Variants in NLRP11 observed in about 807,000 individuals in gnomAD.
NLRP11 encodes the protein NLR family pyrin domain containing 11, also known as NACHT, LRR and PYD domains-containing protein 11.
In NLRP11, 53 loss-of-function variants were observed where a neutral mutation model predicts 79.3. The observed-to-expected ratio is 0.67, with a 90% CI of 0.54 to 0.84. The LOEUF (loss-of-function observed/expected upper bound fraction) is 0.84. Among genes scored for constraint, NLRP11 ranks in the 40% least tolerant of loss-of-function variants. NLRP11 has a pLI of 0.00. For missense variants in NLRP11, 1,264 were observed against 1,255.0 expected (o/e 1.01, Z -0.11); for synonymous variants, 518 against 462.6 (o/e 1.12, Z -1.54).
Position 55,809,608 on chromosome 19 carries a change from A to G in NLRP11, c.1002T>C (p.Gly334=), listed in dbSNP as rs1376992971. 4 of 1,614,154 alleles carry G rather than the reference A, an allele frequency of 2.5e-6. No homozygotes were observed. In the South Asian group the frequency reaches 4.4e-5, roughly 18 times the overall value. The change falls in exon 3 of 10, where the codon GGT becomes GGC. Residue 334 remains glycine (G), a synonymous_variant. Transcript: ENST00000589093. The surrounding 1 kb of genome is among the most constrained non-coding windows in gnomAD (Gnocchi z 4.5). The stretch of plus-strand genomic sequence containing the variant: ...AGCATAAGATGGCGACTCGGCACAG[A>G]CCCACGAGTATTTCATCCTCATGTA...
In NLRP11 at chr19:55,796,078, A is replaced by G; in HGVS notation, c.2342+2T>C. The stretch of plus-strand genomic sequence containing the variant: ...GTGGTGAGCTCGTCTAAGCCAACTT[A>G]CACCAGTGATATAAGAGTGCAGTTG... On this transcript the variant is annotated splice_donor_variant, in intron 6 of 9. Coordinates refer to ENST00000589093, the Ensembl canonical transcript of NLRP11. LOFTEE classifies it high-confidence loss of function. The G allele has an allele frequency of 6.2e-7, 1 of 1,608,676 alleles. No individual in the cohort carries two copies. Among genetic ancestry groups the G allele is most frequent in the Non-Finnish European group, 8.5e-7 (1 of 1,175,556 alleles).
intron 1 of NLRP11, among the ~76,000 whole-genome samples, chr19:55,830,299 T>C (rs995690788): frequency 2.0e-5 from 3 of 152,178 alleles, no homozygotes; most frequent in African/African-American, 7.2e-5. Flanking sequence ...TTGAGCCCCA[T>C]CCTTGTAACT....
At chr19:55,807,510 G>C (rs976616468) in intron 4 of NLRP11, among the ~76,000 whole-genome samples, 1 of 152,022 alleles carries the variant, frequency 6.6e-6, no homozygotes, top group African/African-American at 2.4e-5. Context: ...ATGAAGACAA[G>C]GTAAACAGGC....
At chr19:55,836,064 C>T (rs1233064903), upstream of NLRP11, among the ~76,000 whole-genome samples, 1 of 152,206 alleles carries the variant, frequency 6.6e-6, no homozygotes, top group Non-Finnish European at 1.5e-5. Flanking sequence ...GTGGAGGTTA[C>T]AGTGGGCCGA....
chr19:55,829,449 G>A (rs1161789929), intron 1 of NLRP11, among the ~76,000 whole-genome samples: 1 of 151,950 alleles, frequency 6.6e-6, no homozygotes, highest in African/African-American at 2.4e-5. Context: ...CAGATCACGA[G>A]GTCAGGAGAT....
chr19:55,808,146 A>C (rs1980189841), intron 3 of NLRP11, 132 bp from the exon 4 acceptor site: 1 of 581,952 alleles, frequency 1.7e-6, no homozygotes, highest in Non-Finnish European at 3.0e-6. Context: ...AGCAAGAAAT[A>C]AAGTAGGGTC....
intron 9 of NLRP11, among the ~76,000 whole-genome samples, chr19:55,788,363 C>CTTTTTTTTTTTTT (rs74179639): frequency 7.1e-6 from 1 of 140,722 alleles, no homozygotes. Context: ...AGAGGAAAGA[C>CTTTTTTTTTTTTT]TTTTTTTTTT....
At chr19:55,816,159 A>G (rs1028439981) in intron 2 of NLRP11, among the ~76,000 whole-genome samples, 8 of 152,182 alleles carry the variant, frequency 5.3e-5, no homozygotes, top group Non-Finnish European at 1.0e-4. Flanking sequence ...TCTACTGTTC[A>G]CCTATAAGAC....
At chr19:55,815,480 G>T (rs1008722274) in intron 2 of NLRP11, among the ~76,000 whole-genome samples, 2 of 137,176 alleles carry the variant, frequency 1.5e-5, no homozygotes, top group Admixed American at 1.6e-4. Flanking sequence ...AGTGAGCCGA[G>T]ATTGTTCCAT....
intron 1 of NLRP11, 123 bp downstream of exon 1, chr19:55,831,840 A>G (rs1982817984): frequency 6.6e-6 from 1 of 152,128 alleles, no homozygotes; most frequent in African/African-American, 2.4e-5. Context: ...AACTTTAGTC[A>G]TTTTATTCCC....
chr19:55,813,063 C>A (rs537387976), intron 2 of NLRP11, among the ~76,000 whole-genome samples: 1 of 152,296 alleles, frequency 6.6e-6, no homozygotes, highest in South Asian at 2.1e-4. Context: ...CACAGCGACT[C>A]ACACCTGTAA....
At chr19:55,829,018 C>A (rs16986672) in intron 1 of NLRP11, among the ~76,000 whole-genome samples, 1 of 152,048 alleles carries the variant, frequency 6.6e-6, no homozygotes, top group Non-Finnish European at 1.5e-5. Flanking sequence ...GGCTAACACA[C>A]GTATATACAA....
chr19:55,790,666 T>C lies in NLRP11; in HGVS notation c.2514-1267A>G, dbSNP rs892506812. ...AAGCAGATTCCAGAAGATCCTATTT[T>C]TCATTTAGTAGTTATAAAAGTTGGG... is the stretch of plus-strand genomic sequence containing the variant. On this transcript the variant is annotated intron_variant, in intron 7 of 9. Coordinates refer to ENST00000589093, the Ensembl canonical transcript of NLRP11. Among the ~76,000 whole-genome samples the C allele has an allele frequency of 6.6e-5, 10 of 152,326 alleles. No individual in the cohort carries two copies. In the East Asian group the frequency reaches 1.9e-3, roughly 29 times the overall value.
At chr19:55,798,070 G>A (rs961553936) in intron 5 of NLRP11, among the ~76,000 whole-genome samples, 2 of 151,536 alleles carry the variant, frequency 1.3e-5, no homozygotes, top group African/African-American at 4.9e-5. Context: ...TGTGATCTCG[G>A]CTCACCGCAA....
At chr19:55,810,441 G>C (rs1439884029) in intron 2 of NLRP11, 103 bp from the exon 3 acceptor site, 5 of 1,047,006 alleles carry the variant, frequency 4.8e-6, no homozygotes, top group Non-Finnish European at 7.0e-6. Flanking sequence ...AAATATAGTA[G>C]AAATTTTTAC....
At chr19:55,810,308 C>G in exon 3 of NLRP11, 1 of 1,612,168 alleles carries the variant, frequency 6.2e-7, no homozygotes, top group Non-Finnish European at 8.5e-7. Flanking sequence ...GAATTTTCTC[C>G]TCATGACAGC....
intron 1 of NLRP11, among the ~76,000 whole-genome samples, chr19:55,830,974 T>C (rs1263245809): frequency 6.6e-6 from 1 of 152,120 alleles, no homozygotes; most frequent in Non-Finnish European, 1.5e-5. Context: ...ATACAGACAC[T>C]GATTAGAGAC....
intron 2 of NLRP11, among the ~76,000 whole-genome samples, chr19:55,814,553 G>T (rs1980903120): frequency 1.3e-5 from 2 of 149,794 alleles, no homozygotes; most frequent in Admixed American, 1.3e-4. Context: ...TAAGAAAAGA[G>T]AAGTGAATGA....
At position 55,809,349 on chromosome 19, in the gene NLRP11, C is replaced by G; in HGVS notation, c.1261G>C (p.Gly421Arg). ...ACAGAGACATCAGCCTCAGTAAACCCAACACATCTGAGGTCTTCACCACTG... is the reference window on the plus strand; with the variant it reads ...ACAGAGACATCAGCCTCAGTAAACCGAACACATCTGAGGTCTTCACCACTG... Residue 421 changes from glycine (G) to arginine (R), a missense_variant, in exon 3 of 10, where the codon GGG becomes CGG. Transcript: ENST00000589093. This position sits in a 1 kb window ranked among gnomAD's most constrained non-coding sequence, Gnocchi z 4.5. 2 of 1,614,112 alleles carry G rather than the reference C, an allele frequency of 1.2e-6. No homozygotes were observed. The highest frequency in any genetic ancestry group is 1.7e-6 in the Non-Finnish European group (2 of 1,180,016).
Sources: allele counts gnomAD v4.1 joint callset (sites outside exome capture counted in the v4.1 genomes callset), GRCh38; gene constraint gnomAD v4.1.1; non-coding constraint Gnocchi (gnomAD v3.1); transcripts MANE v1.5; gene names NCBI Gene and HGNC (gene_info 2026-07-23, HGNC 2026-07-21).